The following ZFHX3 variants were observed in gnomAD, a reference collection of about 807,000 sequenced individuals.
ZFHX3 encodes zinc finger homeobox 3.
A neutral mutation model predicts 279.1 loss-of-function variants in ZFHX3; 42 were observed. The observed-to-expected ratio is 0.15, with a 90% CI of 0.12 to 0.19. The LOEUF (loss-of-function observed/expected upper bound fraction) is 0.19, where lower values mean the gene tolerates loss of function less well. Ranked by LOEUF, ZFHX3 falls within the 10% of genes least tolerant of loss-of-function variation. The probability of loss-of-function intolerance (pLI) is 1.00; values close to 1 mark genes in which losing one functional copy is unlikely to be tolerated. For synonymous variants in ZFHX3, 2,293 were observed against 1,957.8 expected (o/e 1.17, Z -4.52); for missense variants, 4,981 against 4,754.0 (o/e 1.05, Z -1.40).
intron 3 of ZFHX3, chr16:73,420,798 T>C (rs2017703800): frequency 6.6e-6 from 1 of 152,220 alleles, no homozygotes; most frequent in Non-Finnish European, 1.5e-5. Flanking sequence ...AGCAACGTTT[T>C]TGCACACTCA....
At chr16:72,827,847 G>A (rs2036971035) in intron 5 of ZFHX3, among the ~76,000 whole-genome samples, 1 of 152,156 alleles carries the variant, frequency 6.6e-6, no homozygotes, top group African/African-American at 2.4e-5. Flanking sequence ...AAGCACAGTG[G>A]ACAGTAGAAT....
intron 5 of ZFHX3, among the ~76,000 whole-genome samples, chr16:73,190,190 CAT>C (rs1278661412): frequency 2.0e-5 from 3 of 152,230 alleles, no homozygotes; most frequent in African/African-American, 7.2e-5. Flanking sequence ...AAGCTGCTGA[CAT>C]GTGTAATGGT....
At chr16:73,695,250 T>C (rs77398624) in intron 1 of ZFHX3, among the ~76,000 whole-genome samples, 5,433 of 151,444 alleles carry the variant, frequency 0.036, 291 homozygotes, top group African/African-American at 0.11. Context: ...TTGTTTTTTT[T>C]TTTTGAGATG....
At chr16:73,607,052 T>C (rs138681414) in intron 2 of ZFHX3, among the ~76,000 whole-genome samples, 2 of 152,276 alleles carry the variant, frequency 1.3e-5, no homozygotes, top group African/African-American at 4.8e-5. Flanking sequence ...TTTTTTGAGA[T>C]AGAATTTTGA....
At chr16:72,792,174 GA>G (rs1183895134) in intron 9 of ZFHX3, among the ~76,000 whole-genome samples, 1 of 152,100 alleles carries the variant, frequency 6.6e-6, no homozygotes, top group African/African-American at 2.4e-5. Flanking sequence ...TATGTAGGAA[GA>G]ACTGCAAAAC....
Position 72,797,706 on chromosome 16 carries a change from C to G in ZFHX3, c.4976G>C (p.Gly1659Ala), listed in dbSNP as rs779944057. ...ATTGGAGGTGGTAAAGGTGTTACTG[C>G]CACTGGTGCTCACAGGACTTGGCGT... ...SSTPSPVSTS[G>A]SNTFTTSNPS... Residue 1659 changes from glycine to alanine, a missense_variant, in exon 9 of 10, where the codon GGC becomes GCC. Transcript: ENST00000268489. The G allele has an allele frequency of 8.7e-6, 14 of 1,614,118 alleles. No individual in the cohort carries two copies. In the South Asian group the frequency reaches 1.3e-4, roughly 15 times the overall value.
chr16:72,902,063 G>C (rs376528927), intron 3 of ZFHX3, among the ~76,000 whole-genome samples: 1 of 152,162 alleles, frequency 6.6e-6, no homozygotes, highest in South Asian at 2.1e-4. Flanking sequence ...AATAATTATT[G>C]AATTTCCTTT....
Position 72,950,508 on chromosome 16 carries a change from C to G in ZFHX3, c.3177G>C (p.Thr1059=), listed in dbSNP as rs763822990. 2.7e-5 allele frequency: 44 copies of G among 1,614,100 alleles called. No homozygotes were observed. The highest frequency in any genetic ancestry group is 3.6e-5 in the Non-Finnish European group (43 of 1,180,038). The change falls in exon 3 of 10, where the codon ACG becomes ACC. Residue 1059 remains threonine (T), a synonymous_variant. Coordinates refer to ENST00000268489, the MANE Select transcript of ZFHX3 (RefSeq NM_006885.4). ...GGCTGGCCTCGTGCCTGGAGTTGAC[C>G]GTGTGCAGCCGCAGCTTCTCCAGGC... ...TNSLEKLRLH[T]VNSRHEASLK...
At chr16:73,311,210 G>T (rs558299469) in intron 4 of ZFHX3, among the ~76,000 whole-genome samples, 8 of 151,966 alleles carry the variant, frequency 5.3e-5, no homozygotes, top group Non-Finnish European at 8.8e-5. Flanking sequence ...TCCAGACTGG[G>T]GGACAAGAGA....
chr16:72,847,514 T>A (rs961473573), intron 4 of ZFHX3, among the ~76,000 whole-genome samples: 1 of 152,006 alleles, frequency 6.6e-6, no homozygotes, highest in Non-Finnish European at 1.5e-5. Context: ...TGTTCCAGGT[T>A]TTGCTGCAAT....
At position 73,299,288 on chromosome 16, in the gene ZFHX3, T is replaced by C. The variant is rs149183657; in HGVS notation, c.-1194+18952A>G. Among the ~76,000 whole-genome samples the C allele has an allele frequency of 1.1e-3, 167 of 152,278 alleles. 1 individual carries two copies. The highest frequency in any genetic ancestry group is 1.9e-3 in the Non-Finnish European group (129 of 68,016). ...TTCAGCCCCTAGAAGAGAAAAAGCA[T>C]TTTCCAGGGACATTTTGCTTGGAGT... is the stretch of plus-strand genomic sequence containing the variant. On this transcript the variant is annotated intron_variant, in intron 4 of 17. Coordinates refer to the ZFHX3 transcript ENST00000641206.
chr16:73,798,367 A>C (rs1322785860), intron 1 of ZFHX3, among the ~76,000 whole-genome samples: 1 of 151,918 alleles, frequency 6.6e-6, no homozygotes, highest in African/African-American at 2.4e-5. Context: ...TGAGAAGTTA[A>C]CAAGGTGGGG....
At chr16:73,321,552 G>A (rs58821630) in intron 3 of ZFHX3, among the ~76,000 whole-genome samples, 68,698 of 152,050 alleles carry the variant, frequency 0.45, 17,312 homozygotes, top group African/African-American at 0.68. Flanking sequence ...AGACAAAAAC[G>A]TGACTTTCAG....
intron 1 of ZFHX3, among the ~76,000 whole-genome samples, chr16:73,709,482 C>A (rs1417726523): frequency 1.3e-5 from 2 of 152,068 alleles, no homozygotes; most frequent in African/African-American, 2.4e-5. Context: ...TTTGCAACAA[C>A]GTGGATGAAC....
intron 4 of ZFHX3, among the ~76,000 whole-genome samples, chr16:73,260,635 G>A (rs2013792237): frequency 1.3e-5 from 2 of 148,882 alleles, no homozygotes; most frequent in Non-Finnish European, 3.0e-5. Flanking sequence ...TAGAAACCAA[G>A]ATCCGGGTGC....
At chr16:73,792,767 C>G (rs539312236) in intron 1 of ZFHX3, among the ~76,000 whole-genome samples, 4 of 152,002 alleles carry the variant, frequency 2.6e-5, no homozygotes, top group African/African-American at 9.7e-5. Flanking sequence ...AGGGTTAATA[C>G]CAACCTTTTT....
At chr16:73,851,938 C>A (rs943808061) in intron 1 of ZFHX3, among the ~76,000 whole-genome samples, 12 of 152,128 alleles carry the variant, frequency 7.9e-5, no homozygotes, top group African/African-American at 2.4e-4. Context: ...ATTTAGTGGG[C>A]AAGTCCAGGG....
At chr16:73,476,410 T>C (rs1171072037) in intron 2 of ZFHX3, among the ~76,000 whole-genome samples, 1 of 152,134 alleles carries the variant, frequency 6.6e-6, no homozygotes, top group Non-Finnish European at 1.5e-5. Flanking sequence ...TCTTCAAAGG[T>C]GCAAACTCTT....
chr16:73,368,440 G>C (rs1214739468), intron 3 of ZFHX3, among the ~76,000 whole-genome samples: 1 of 152,066 alleles, frequency 6.6e-6, no homozygotes, highest in Non-Finnish European at 1.5e-5. Context: ...TCTTTTTCTA[G>C]GTTCTAGCTG....
Sources: allele counts gnomAD v4.1 joint callset (sites outside exome capture counted in the v4.1 genomes callset), GRCh38; gene constraint gnomAD v4.1.1; transcripts MANE v1.5; gene names NCBI Gene and HGNC (gene_info 2026-07-23, HGNC 2026-07-21).